The following NBN variants were observed in gnomAD, a reference collection of about 807,000 sequenced individuals.
The protein encoded by NBN is nibrin.
In NBN, 88 loss-of-function variants were observed where a neutral mutation model predicts 90.8. The ratio of observed to expected loss-of-function variants is 0.97; its 90% CI spans 0.82 to 1.16. The LOEUF (loss-of-function observed/expected upper bound fraction) is 1.16, where lower values mean the gene tolerates loss of function less well. Ranked by LOEUF, NBN falls within the 50% of genes most tolerant of loss-of-function variation. NBN has a pLI of 0.00. For synonymous variants in NBN, 328 were observed against 295.1 expected (o/e 1.11, Z -1.14); for missense variants, 894 against 869.6 (o/e 1.03, Z -0.35).
chr8:89,947,787 G>A (rs1361717534), intron 12 of NBN, 37 bp downstream of exon 12: 1 of 1,288,626 alleles, frequency 7.8e-7, no homozygotes, highest in Non-Finnish European at 1.1e-6. Context: ...GTCCCCGTAA[G>A]CCAAATCTGT....
chr8:89,978,098 A>G, intron 5 of NBN, 122 bp downstream of exon 5: 1 of 869,604 alleles, frequency 1.1e-6, no homozygotes, highest in Non-Finnish European at 1.8e-6. Context: ...CATTAATAAT[A>G]CCGAACTATA....
chr8:89,962,893 TAAA>T (rs576468773), intron 8 of NBN, among the ~76,000 whole-genome samples: 89 of 152,296 alleles, frequency 5.8e-4, no homozygotes, highest in South Asian at 3.7e-3. Context: ...CGTCACACAT[TAAA>T]ATATAAGCCA....
intron 11 of NBN, among the ~76,000 whole-genome samples, chr8:89,950,047 TTAGA>T (rs1257380833): frequency 6.6e-6 from 1 of 152,202 alleles, no homozygotes; most frequent in Non-Finnish European, 1.5e-5. Flanking sequence ...TCAGGGGAAA[TTAGA>T]TAAAGGGTTC....
At chr8:89,969,746 G>C (rs1811418588) in intron 7 of NBN, among the ~76,000 whole-genome samples, 1 of 152,168 alleles carries the variant, frequency 6.6e-6, no homozygotes, top group Admixed American at 6.5e-5. Flanking sequence ...CAGGATGGGA[G>C]TTTGAGACCA....
chr8:89,980,416 C>T (rs1038383258), intron 4 of NBN, among the ~76,000 whole-genome samples: 7 of 151,066 alleles, frequency 4.6e-5, no homozygotes, highest in Admixed American at 1.3e-4. Context: ...TCTCTAGTTG[C>T]GTTGCTTTAA....
intron 14 of NBN, among the ~76,000 whole-genome samples, chr8:89,939,190 G>A (rs1216446506): frequency 6.6e-6 from 1 of 152,014 alleles, no homozygotes; most frequent in Non-Finnish European, 1.5e-5. Context: ...CTGCAGCAGA[G>A]GTAGAGAAAG....
At chr8:89,981,791 C>A in intron 2 of NBN, 1 of 499,494 alleles carries the variant, frequency 2.0e-6, no homozygotes, top group Non-Finnish European at 3.5e-6. Context: ...CCTGACCCCT[C>A]ACACACATTT....
chr8:89,977,856 T>C (rs1173288089), intron 5 of NBN, among the ~76,000 whole-genome samples: 7 of 152,234 alleles, frequency 4.6e-5, no homozygotes, highest in African/African-American at 1.7e-4. Context: ...TTCTGGACTA[T>C]GTGGCTTGCA....
chr8:89,941,605 C>T (rs1809953504), intron 14 of NBN, among the ~76,000 whole-genome samples: 1 of 152,176 alleles, frequency 6.6e-6, no homozygotes, highest in South Asian at 2.1e-4. Flanking sequence ...ATGTCTCTCT[C>T]TTCCTTCCCA....
chr8:89,971,879 A>G (rs563166291), intron 5 of NBN, among the ~76,000 whole-genome samples: 1 of 152,364 alleles, frequency 6.6e-6, no homozygotes, highest in South Asian at 2.1e-4. Flanking sequence ...CCATGAAAAT[A>G]AAGGAAAATA....
At chr8:89,960,962 C>T (rs181315876) in intron 8 of NBN, among the ~76,000 whole-genome samples, 3 of 152,248 alleles carry the variant, frequency 2.0e-5, no homozygotes, top group Admixed American at 6.5e-5. Flanking sequence ...TTGGAACCCA[C>T]CTAAACCTAC....
At chr8:89,965,817 G>A (rs1244345739) in intron 7 of NBN, among the ~76,000 whole-genome samples, 3 of 152,076 alleles carry the variant, frequency 2.0e-5, no homozygotes, top group Non-Finnish European at 2.9e-5. Flanking sequence ...TAGTTCGTAA[G>A]GTCTTTTTGA....
At chr8:89,975,203 G>A (rs1811695130) in intron 5 of NBN, among the ~76,000 whole-genome samples, 1 of 152,128 alleles carries the variant, frequency 6.6e-6, no homozygotes, top group Non-Finnish European at 1.5e-5. Context: ...CTGTTTCTTG[G>A]TAACAGTGCA....
At chr8:89,953,100 A>G (rs2129694738) in intron 11 of NBN, 144 bp downstream of exon 11, 5 of 640,710 alleles carry the variant, frequency 7.8e-6, no homozygotes, top group Non-Finnish European at 1.4e-5. Flanking sequence ...AACATTTACC[A>G]TTTACCTTAT....
At chr8:89,970,714 C>CAACA (rs1811476220) in intron 6 of NBN, 157 bp from the exon 7 acceptor site, 1 of 212,572 alleles carries the variant, frequency 4.7e-6, no homozygotes, top group African/African-American at 2.4e-5. Context: ...GTCCCTAGTT[C>CAACA]AACAGGTCTC....
At chr8:89,965,068 C>A (rs1041225730) in intron 7 of NBN, among the ~76,000 whole-genome samples, 1 of 151,798 alleles carries the variant, frequency 6.6e-6, no homozygotes, top group African/African-American at 2.4e-5. Context: ...AAGCTGAGAT[C>A]GCGCCACTGC....
chr8:89,957,071 T>C (rs1334178708), intron 9 of NBN, among the ~76,000 whole-genome samples: 3 of 152,250 alleles, frequency 2.0e-5, no homozygotes, highest in African/African-American at 7.2e-5. Flanking sequence ...TACTATATTA[T>C]ACTTTTTATC....
In NBN at chr8:89,958,786, T is replaced by C. The variant is rs762376159; in HGVS notation, c.1063A>G (p.Ser355Gly). The change falls in exon 9 of 16, where the codon AGC becomes GGC. Residue 355 changes from serine (S) to glycine (G), a missense_variant. Coordinates refer to ENST00000265433, the MANE Select transcript of NBN (RefSeq NM_002485.5). Reference sequence around the variant, plus strand: ...TATGTTGTAGTGTTCACTGGGGCGCTTGGCATTAGTTTTTCATCAACTGAC... The same window carrying C: ...TATGTTGTAGTGTTCACTGGGGCGCCTGGCATTAGTTTTTCATCAACTGAC... ...GVSVDEKLMP[S>G]APVNTTTYVA... 3.7e-6 allele frequency: 6 copies of C among 1,614,012 alleles called. No homozygotes were observed. The Admixed American group carries it at 6.7e-5, about 18-fold the overall frequency.
At position 89,980,863 on chromosome 8, in the gene NBN, A is replaced by C. The variant is rs1163807799; in HGVS notation, c.351T>G (p.Ser117=). 1 of 1,612,668 alleles carries C rather than the reference A, an allele frequency of 6.2e-7. No individual in the cohort carries two copies. Among genetic ancestry groups the C allele is most frequent in the South Asian group, 1.1e-5 (1 of 91,064 alleles). ...TTTTCCCAGAGACATCTAAACAAGA[A>C]GAGCATGCAACCAAAGGCTCATACT... ...RIEYEPLVAC[S]SCLDVSGKTA... The change falls in exon 4 of 16, where the codon TCT becomes TCG. Residue 117 remains serine, a synonymous_variant. Transcript: ENST00000265433.
Sources: gnomAD v4.1 joint callset for allele counts (sites outside exome capture counted in the v4.1 genomes callset) on GRCh38, gnomAD v4.1.1 for gene constraint, MANE v1.5 for transcripts, NCBI Gene and HGNC (gene_info 2026-07-23, HGNC 2026-07-21) for gene names.